Variants in RARB observed in about 807,000 individuals in gnomAD.
The protein encoded by RARB is retinoic acid receptor beta.
RARB carries 17 observed loss-of-function variants against 51.9 expected under a neutral mutation model. The observed-to-expected ratio is 0.33, with a 90% confidence interval of 0.22 to 0.49. RARB has a LOEUF of 0.49. RARB is among the 20% of genes least tolerant of loss of function. The pLI is 0.99. For synonymous variants in RARB, 215 were observed against 195.4 expected (o/e 1.10, Z -0.84); for missense variants, 369 against 550.8 (o/e 0.67, Z 3.30).
intron 5 of RARB, among the ~76,000 whole-genome samples, chr3:25,184,955 A>G (rs1215885972): frequency 6.6e-6 from 1 of 152,188 alleles, no homozygotes; most frequent in Non-Finnish European, 1.5e-5. Context: ...ATTATTATCC[A>G]TGCTTTGCGG....
chr3:25,497,723 C>G (rs1193553644), intron 2 of RARB, among the ~76,000 whole-genome samples: 2 of 152,300 alleles, frequency 1.3e-5, no homozygotes, highest in East Asian at 1.9e-4. Flanking sequence ...TACCTCCACT[C>G]TCTCCTCTCA....
chr3:25,252,578 T>C (rs1458584322), intron 5 of RARB, among the ~76,000 whole-genome samples: 1 of 152,236 alleles, frequency 6.6e-6, no homozygotes, highest in African/African-American at 2.4e-5. Flanking sequence ...GCTAAGCTTA[T>C]TCCGAACTAT....
chr3:25,242,628 C>A (rs934578574), intron 5 of RARB, among the ~76,000 whole-genome samples: 5 of 151,854 alleles, frequency 3.3e-5, no homozygotes, highest in African/African-American at 1.2e-4. Flanking sequence ...AGATGTGTGG[C>A]GTTATTTCTG....
intron 4 of RARB, among the ~76,000 whole-genome samples, chr3:25,146,761 C>T (rs1281957112): frequency 2.6e-5 from 4 of 151,836 alleles, no homozygotes; most frequent in African/African-American, 9.7e-5. Context: ...CCTCATGATC[C>T]GCCCACCTTG....
chr3:24,882,417 A>G (rs568216102), intron 2 of RARB, among the ~76,000 whole-genome samples: 1 of 152,336 alleles, frequency 6.6e-6, no homozygotes, highest in African/African-American at 2.4e-5. Context: ...CAATCTAGAG[A>G]TGATTTGAAG....
intron 3 of RARB, among the ~76,000 whole-genome samples, chr3:25,098,087 G>A (rs1699333077): frequency 6.6e-6 from 1 of 152,132 alleles, no homozygotes; most frequent in South Asian, 2.1e-4. Context: ...TACACACACA[G>A]CTATGAGTTT....
chr3:25,191,239 A>G (rs912854275), intron 5 of RARB, among the ~76,000 whole-genome samples: 1 of 152,158 alleles, frequency 6.6e-6, no homozygotes, highest in Non-Finnish European at 1.5e-5. Context: ...GCAATATTGC[A>G]TAAATACTTG....
At chr3:24,935,469 T>G (rs1451643034) in intron 2 of RARB, among the ~76,000 whole-genome samples, 1 of 152,190 alleles carries the variant, frequency 6.6e-6, no homozygotes, top group African/African-American at 2.4e-5. Flanking sequence ...CCTTCTTTTG[T>G]GTTGCTTCAA....
intron 3 of RARB, among the ~76,000 whole-genome samples, chr3:25,509,812 A>C (rs1329541784): frequency 1.3e-5 from 2 of 152,122 alleles, no homozygotes; most frequent in African/African-American, 2.4e-5. Flanking sequence ...CCACAGAGAC[A>C]AAGTTGCCCT....
At chr3:24,936,664 T>G (rs1018763541) in intron 2 of RARB, among the ~76,000 whole-genome samples, 1 of 152,248 alleles carries the variant, frequency 6.6e-6, no homozygotes, top group Non-Finnish European at 1.5e-5. Context: ...TTAACTGTCA[T>G]TAACATGACA....
chr3:25,412,398 A>G (rs1458078022), intron 5 of RARB, among the ~76,000 whole-genome samples: 2 of 152,128 alleles, frequency 1.3e-5, no homozygotes, highest in African/African-American at 4.8e-5. Context: ...TTTGTCCTTT[A>G]GAGTTAAACA....
At chr3:25,073,276 C>T (rs1388094901) in intron 3 of RARB, among the ~76,000 whole-genome samples, 1 of 152,190 alleles carries the variant, frequency 6.6e-6, no homozygotes, top group Non-Finnish European at 1.5e-5. Flanking sequence ...TTCCGGTGTT[C>T]CCACACTGAC....
chr3:25,155,524 C>G (rs1700359565), intron 4 of RARB, among the ~76,000 whole-genome samples: 1 of 152,234 alleles, frequency 6.6e-6, no homozygotes, highest in African/African-American at 2.4e-5. Flanking sequence ...AATTAAATGA[C>G]TGCTCCAGTG....
rs541545685 is a variant in RARB, at chr3:25,565,403, TTAATTGCA to T, written c.449-4354_449-4347del. 5.6e-4 allele frequency among the ~76,000 whole-genome samples: 85 copies of T among 152,318 alleles called. 1 individual carries two copies. Among genetic ancestry groups the T allele is most frequent in the Admixed American group, 1.6e-3 (24 of 15,306 alleles). ...TTGTGGTAAATAATACTCTCGTATA[TTAATTGCA>T]GTACATGTAATAATAGTGATGCCAA... On this transcript the variant is annotated intron_variant, in intron 3 of 7. Coordinates refer to ENST00000330688, the MANE Select transcript of RARB (RefSeq NM_000965.5).
At chr3:25,224,360 G>T (rs772791994) in intron 5 of RARB, among the ~76,000 whole-genome samples, 2 of 152,104 alleles carry the variant, frequency 1.3e-5, no homozygotes, top group Non-Finnish European at 2.9e-5. Flanking sequence ...AACTTATAAG[G>T]TGCCAGCTAC....
intron 5 of RARB, among the ~76,000 whole-genome samples, chr3:25,249,751 T>C (rs1702661511): frequency 9.7e-6 from 1 of 102,918 alleles, no homozygotes; most frequent in African/African-American, 5.0e-5. Context: ...CTTAGTTACA[T>C]AGGGTATGGT....
At chr3:25,534,152 A>G (rs1414003914) in intron 3 of RARB, among the ~76,000 whole-genome samples, 1 of 152,228 alleles carries the variant, frequency 6.6e-6, no homozygotes, top group Admixed American at 6.5e-5. Flanking sequence ...GAGATTATTA[A>G]CAGTATAGAC....
At position 24,971,283 on chromosome 3, in the gene RARB, T is replaced by C. The variant is rs568307759; in HGVS notation, c.-379-88842T>C. Among the ~76,000 whole-genome samples, 8 of 152,110 alleles carry C rather than the reference T, an allele frequency of 5.3e-5. No homozygotes were observed. In the South Asian group the frequency reaches 1.5e-3, roughly 28 times the overall value. ...AGATGAGGGAGCTGAGGCTAGGAGGTTAGTCATTTAATCCTTAGCTATTTA... is the reference window on the plus strand; with the variant it reads ...AGATGAGGGAGCTGAGGCTAGGAGGCTAGTCATTTAATCCTTAGCTATTTA... On this transcript the variant is annotated intron_variant, in intron 2 of 11. Transcript: ENST00000383772.
In RARB at chr3:25,437,848, C is replaced by T. The variant is rs140600159; in HGVS notation, c.157+8960C>T. Among the ~76,000 whole-genome samples, 436 of 152,270 alleles carry T rather than the reference C, an allele frequency of 2.9e-3. 4 individuals carry two copies. The highest frequency in any genetic ancestry group is 0.024 in the Middle Eastern group (7 of 294). On this transcript the variant is annotated intron_variant, in intron 1 of 7. Transcript: ENST00000330688. ...GACTTTCATGTGGATGTTTCTGGAG[C>T]GTGTTAAGTAATCATGTTCCTTGGG...
Sources: allele counts gnomAD v4.1 joint callset (sites outside exome capture counted in the v4.1 genomes callset), GRCh38; gene constraint gnomAD v4.1.1; transcripts MANE v1.5; gene names NCBI Gene and HGNC (gene_info 2026-07-23, HGNC 2026-07-21).